The following DAB1 variants were observed in gnomAD, a reference collection of about 807,000 sequenced individuals.
The protein encoded by DAB1 is DAB adaptor protein 1.
Under a neutral mutation model 64.6 loss-of-function variants are expected in DAB1, and 15 were observed. The ratio of observed to expected loss-of-function variants is 0.23; its 90% CI spans 0.16 to 0.36. The LOEUF (loss-of-function observed/expected upper bound fraction) is 0.36. Ranked by LOEUF, DAB1 falls within the 10% of genes least tolerant of loss-of-function variation. DAB1 has a pLI of 1.00. For synonymous variants in DAB1, 235 were observed against 251.9 expected (o/e 0.93, Z 0.64); for missense variants, 596 against 706.7 (o/e 0.84, Z 1.78).
At chr1:57,886,359 A>C (rs921973412), upstream of DAB1, among the ~76,000 whole-genome samples, 1 of 152,024 alleles carries the variant, frequency 6.6e-6, no homozygotes, top group African/African-American at 2.4e-5. Context: ...GGGTTTCGCT[A>C]TGTTGGCCAG....
intron 4 of DAB1, among the ~76,000 whole-genome samples, chr1:58,220,315 A>G (rs1200541574): frequency 6.6e-6 from 1 of 152,196 alleles, no homozygotes; most frequent in Non-Finnish European, 1.5e-5. Context: ...AGAGATTCTG[A>G]TTTAATTTGT....
At chr1:57,058,205 G>A (rs918325976) in intron 9 of DAB1, among the ~76,000 whole-genome samples, 4 of 152,142 alleles carry the variant, frequency 2.6e-5, no homozygotes, top group Non-Finnish European at 5.9e-5. Flanking sequence ...TCCAAGCTAT[G>A]AAGAAAAAAC....
chr1:57,663,152 G>A (rs1646406642), intron 6 of DAB1, among the ~76,000 whole-genome samples: 1 of 152,178 alleles, frequency 6.6e-6, no homozygotes, highest in South Asian at 2.1e-4. Context: ...AGGCGAAGGA[G>A]AAGCAGCCAT....
At chr1:58,477,952 G>A (rs1645435529) in intron 3 of DAB1, among the ~76,000 whole-genome samples, 1 of 152,110 alleles carries the variant, frequency 6.6e-6, no homozygotes, top group Admixed American at 6.5e-5. Flanking sequence ...CTATAATAGG[G>A]CATAGTAGAA....
At chr1:57,518,524 G>C (rs184539013) in intron 7 of DAB1, among the ~76,000 whole-genome samples, 119 of 152,308 alleles carry the variant, frequency 7.8e-4, no homozygotes, top group African/African-American at 2.8e-3. Context: ...GCTCACAACT[G>C]TCTGAAATGT....
intron 3 of DAB1, among the ~76,000 whole-genome samples, chr1:58,490,064 C>G (rs1645651656): frequency 6.6e-6 from 1 of 152,228 alleles, no homozygotes; most frequent in South Asian, 2.1e-4. Context: ...CACAGCTCGT[C>G]ACCAGCAACA....
intron 7 of DAB1, among the ~76,000 whole-genome samples, chr1:57,580,780 T>C (rs1027463948): frequency 2.6e-5 from 4 of 152,158 alleles, no homozygotes; most frequent in Non-Finnish European, 5.9e-5. Context: ...ACTAATCTCA[T>C]CCTCATAATA....
intron 6 of DAB1, among the ~76,000 whole-genome samples, chr1:57,690,140 T>G (rs1417714470): frequency 6.6e-6 from 1 of 152,130 alleles, no homozygotes; most frequent in African/African-American, 2.4e-5. Context: ...ACCCATATTT[T>G]CTTTATTCAT....
intron 7 of DAB1, among the ~76,000 whole-genome samples, chr1:57,482,496 A>C (rs1296888506): frequency 1.3e-5 from 2 of 151,038 alleles, no homozygotes; most frequent in Non-Finnish European, 3.0e-5. Context: ...AAAAAAAAAA[A>C]AAAAAAAACA....
intron 7 of DAB1, among the ~76,000 whole-genome samples, chr1:57,441,590 G>T (rs1685963991): frequency 6.6e-6 from 1 of 152,004 alleles, no homozygotes; most frequent in Non-Finnish European, 1.5e-5. Flanking sequence ...CTGAGCTTAA[G>T]CAATCTGCCT....
chr1:57,693,771 A>T (rs763103885), intron 6 of DAB1, among the ~76,000 whole-genome samples: 1 of 152,180 alleles, frequency 6.6e-6, no homozygotes, highest in Non-Finnish European at 1.5e-5. Flanking sequence ...GAAACTCTGG[A>T]TGTGTCTGAA....
chr1:58,272,787 C>T (rs1169054956), intron 4 of DAB1, among the ~76,000 whole-genome samples: 3 of 151,822 alleles, frequency 2.0e-5, no homozygotes. Context: ...CTCTTTTGAT[C>T]TTTGTTGGTT....
chr1:57,154,872 C>T (rs1018438394), intron 2 of DAB1, among the ~76,000 whole-genome samples: 3 of 152,100 alleles, frequency 2.0e-5, no homozygotes, highest in African/African-American at 7.2e-5. Flanking sequence ...AAATCTTTGT[C>T]CAATTTTTGA....
chr1:57,696,568 C>T (rs6688768), intron 6 of DAB1, among the ~76,000 whole-genome samples: 74,551 of 151,938 alleles, frequency 0.49, 18,510 homozygotes, highest in East Asian at 0.66. Flanking sequence ...CTACAACCTA[C>T]AGCTGGCCAA....
chr1:57,380,796 T>C (rs187531684), intron 1 of DAB1, among the ~76,000 whole-genome samples: 2 of 152,320 alleles, frequency 1.3e-5, no homozygotes, highest in African/African-American at 4.8e-5. Context: ...ACATGCAGGC[T>C]GTACAGGAGC....
intron 4 of DAB1, among the ~76,000 whole-genome samples, chr1:58,304,306 G>A (rs966654984): frequency 2.0e-5 from 3 of 152,130 alleles, no homozygotes; most frequent in African/African-American, 7.2e-5. Flanking sequence ...CCCCCTAGAT[G>A]TACTCTGTCT....
At chr1:57,606,632 A>T (rs1479730415) in intron 7 of DAB1, among the ~76,000 whole-genome samples, 1 of 116,498 alleles carries the variant, frequency 8.6e-6, no homozygotes, top group Admixed American at 1.1e-4. Context: ...TATGAAATAT[A>T]TTATATATGA....
At chr1:58,106,703 A>G (rs1203738922) in intron 5 of DAB1, among the ~76,000 whole-genome samples, 1 of 152,154 alleles carries the variant, frequency 6.6e-6, no homozygotes, top group Non-Finnish European at 1.5e-5. Flanking sequence ...CCAGCCTTGA[A>G]CTAAGCCATC....
chr1:58,126,059 T>G (rs1653056806), intron 5 of DAB1, among the ~76,000 whole-genome samples: 1 of 152,176 alleles, frequency 6.6e-6, no homozygotes, highest in Non-Finnish European at 1.5e-5. Context: ...CCTTCCACCC[T>G]CTAACATTCT....
Sources: allele counts gnomAD v4.1 joint callset (sites outside exome capture counted in the v4.1 genomes callset), GRCh38; gene constraint gnomAD v4.1.1; transcripts MANE v1.5; gene names NCBI Gene and HGNC (gene_info 2026-07-23, HGNC 2026-07-21).